SUCLG2: variants seen among roughly 807,000 people sequenced by gnomAD.
The protein encoded by SUCLG2 is succinate--CoA ligase [GDP-forming] subunit beta, mitochondrial.
Under a neutral mutation model 47.9 loss-of-function variants are expected in SUCLG2, and 42 were observed. The ratio of observed to expected loss-of-function variants is 0.88; its 90% CI spans 0.69 to 1.14. SUCLG2 has a LOEUF of 1.14. Ranked by LOEUF, SUCLG2 falls within the 50% of genes most tolerant of loss-of-function variation. The pLI, the probability that SUCLG2 is intolerant of heterozygous loss-of-function variation, is 0.00. For missense variants in SUCLG2, 571 were observed against 525.9 expected (o/e 1.09, Z -0.84); for synonymous variants, 195 against 197.3 (o/e 0.99, Z 0.10).
At chr3:67,555,274 T>C (rs915663334) in intron 2 of SUCLG2, among the ~76,000 whole-genome samples, 4 of 152,042 alleles carry the variant, frequency 2.6e-5, no homozygotes, top group Non-Finnish European at 5.9e-5. Flanking sequence ...GGTAGACAAA[T>C]AAATGGTTGC....
At chr3:67,518,149 C>A in intron 6 of SUCLG2, 98 bp downstream of exon 6, 1 of 971,306 alleles carries the variant, frequency 1.0e-6, no homozygotes, top group Non-Finnish European at 1.6e-6. Flanking sequence ...ATAAATAATC[C>A]TGTTTCCTGG....
chr3:67,379,607 A>G (rs62256366), intron 10 of SUCLG2, among the ~76,000 whole-genome samples: 13,986 of 152,268 alleles, frequency 0.092, 729 homozygotes, highest in Non-Finnish European at 0.12. Context: ...TTTTGCACCC[A>G]ACTTAGCACC....
chr3:67,374,332 G>A (rs913945019), downstream of SUCLG2, among the ~76,000 whole-genome samples: 9 of 151,696 alleles, frequency 5.9e-5, no homozygotes, highest in African/African-American at 2.2e-4. Context: ...AAAGTAAGCT[G>A]GTAAAAAAAA....
At chr3:67,413,877 A>G (rs1390980269) in intron 9 of SUCLG2, among the ~76,000 whole-genome samples, 1 of 152,122 alleles carries the variant, frequency 6.6e-6, no homozygotes, top group African/African-American at 2.4e-5. Flanking sequence ...GCAGACGCCT[A>G]CCTCATCCAT....
chr3:67,654,589 TA>T lies in SUCLG2; in HGVS notation c.-4del. On this transcript the variant is annotated 5_prime_UTR_variant, in exon 1 of 11. Coordinates refer to ENST00000307227, the MANE Select transcript of SUCLG2 (RefSeq NM_003848.4). ...TGCGCTGCTACGGGGGACGCCATCTTAAACAGGAAACTCGGCACGGGGCAGT... is the reference window on the plus strand; with the variant it reads ...TGCGCTGCTACGGGGGACGCCATCTTAACAGGAAACTCGGCACGGGGCAGT... The T allele has an allele frequency of 1.6e-6, 2 of 1,273,850 alleles. No homozygotes were observed. The highest frequency in any genetic ancestry group is 2.0e-6 in the Non-Finnish European group (2 of 1,007,758). The allele number at this position is 1,273,850 out of a possible 1,614,324, so 78.9% of individuals were successfully genotyped here.
intron 10 of SUCLG2, among the ~76,000 whole-genome samples, chr3:67,392,514 C>T (rs894041718): frequency 2.0e-5 from 3 of 152,182 alleles, no homozygotes; most frequent in Admixed American, 2.0e-4. Context: ...GGTAAATAAT[C>T]TACTATATTT....
At position 67,408,680 on chromosome 3, in the gene SUCLG2, T is replaced by C. The variant is rs58032985; in HGVS notation, c.1063-7829A>G. The C allele has an allele frequency of 6.1e-3, 6,973 of 1,148,656 alleles. 360 individuals are homozygous for C. The African/African-American group carries it at 0.1, about 17-fold the overall frequency. The allele number at this position is 1,148,656 out of a possible 1,614,324, so 71.2% of individuals were successfully genotyped here. A position where few individuals can be genotyped will look rare whatever the true frequency, so the allele number is the denominator to read the frequency against. The stretch of plus-strand genomic sequence containing the variant: ...CTTCCTAAATTCTTCACTTTACTTA[T>C]ATTCTATAATTTACTCCTTGGTAGA... On this transcript the variant is annotated intron_variant, in intron 9 of 10. Transcript: ENST00000307227.
rs573347429 is a variant in SUCLG2 at position 67,466,151 on chromosome 3, G to A, written c.1062+29647C>T. Among the ~76,000 whole-genome samples, 332 of 152,172 alleles carry A rather than the reference G, an allele frequency of 2.2e-3. 2 individuals are homozygous for A. Among genetic ancestry groups the A allele is most frequent in the African/African-American group, 7.3e-3 (305 of 41,512 alleles). On this transcript the variant is annotated intron_variant, in intron 9 of 10. Transcript: ENST00000307227. ...GTGGATCACCTGAGGTCAGGAGTTCGAGACCAGCCTGGCCAACATGGTGAA... is the reference window on the plus strand; with the variant it reads ...GTGGATCACCTGAGGTCAGGAGTTCAAGACCAGCCTGGCCAACATGGTGAA...
At chr3:67,551,297 T>G (rs1707007763) in intron 2 of SUCLG2, among the ~76,000 whole-genome samples, 1 of 152,222 alleles carries the variant, frequency 6.6e-6, no homozygotes, top group South Asian at 2.1e-4. Context: ...CTCTGGATCC[T>G]TGATAGGATT....
At chr3:67,624,874 T>C (rs550761545) in intron 1 of SUCLG2, among the ~76,000 whole-genome samples, 1 of 152,322 alleles carries the variant, frequency 6.6e-6, no homozygotes, top group South Asian at 2.1e-4. Context: ...ATGTGTGAAA[T>C]ACATACTGTC....
intron 9 of SUCLG2, among the ~76,000 whole-genome samples, chr3:67,491,838 CGT>C (rs893781519): frequency 6.6e-6 from 1 of 152,086 alleles, no homozygotes; most frequent in African/African-American, 2.4e-5. Context: ...GAAAAGTGTG[CGT>C]GTGTGTCTCA....
chr3:67,507,044 G>C (rs1467126283), intron 7 of SUCLG2, among the ~76,000 whole-genome samples: 1 of 152,052 alleles, frequency 6.6e-6, no homozygotes, highest in African/African-American at 2.4e-5. Context: ...CTATAAAATG[G>C]GGATAACAAC....
At chr3:67,370,563 C>T (rs918414531), downstream of SUCLG2, among the ~76,000 whole-genome samples, 1 of 152,130 alleles carries the variant, frequency 6.6e-6, no homozygotes, top group Non-Finnish European at 1.5e-5. Context: ...ATCCAAGACT[C>T]CCGAGTGAAT....
intron 10 of SUCLG2, among the ~76,000 whole-genome samples, chr3:67,364,721 A>G (rs770116299): frequency 1.2e-4 from 18 of 152,208 alleles, no homozygotes; most frequent in Non-Finnish European, 2.1e-4. Context: ...AACAAGATCC[A>G]AAGTCTCAGA....
chr3:67,529,482 G>A (rs1314115082), intron 2 of SUCLG2, among the ~76,000 whole-genome samples: 1 of 152,200 alleles, frequency 6.6e-6, no homozygotes, highest in Non-Finnish European at 1.5e-5. Flanking sequence ...GTCAGAAGAA[G>A]CTAAATAAAT....
At chr3:67,494,241 C>G (rs73088922) in intron 9 of SUCLG2, among the ~76,000 whole-genome samples, 5,035 of 152,272 alleles carry the variant, frequency 0.033, 112 homozygotes, top group African/African-American at 0.062. Context: ...TTTCATTTAT[C>G]ATTCTCTTAG....
chr3:67,426,753 C>T (rs1008265440), intron 9 of SUCLG2, among the ~76,000 whole-genome samples: 2 of 152,074 alleles, frequency 1.3e-5, no homozygotes, highest in East Asian at 3.9e-4. Context: ...CATGGTGAAA[C>T]CCCATCTCTA....
intron 6 of SUCLG2, among the ~76,000 whole-genome samples, chr3:67,510,254 T>C (rs1167112815): frequency 1.3e-5 from 2 of 152,248 alleles, no homozygotes; most frequent in East Asian, 3.8e-4. Context: ...CAGATTTGAC[T>C]GAAGAACTCC....
intron 9 of SUCLG2, among the ~76,000 whole-genome samples, chr3:67,459,180 G>C (rs1469583043): frequency 6.6e-6 from 1 of 152,120 alleles, no homozygotes; most frequent in South Asian, 2.1e-4. Flanking sequence ...ACAGTTTTAC[G>C]TTTTCCTCAT....
Sources: allele counts gnomAD v4.1 joint callset (sites outside exome capture counted in the v4.1 genomes callset), GRCh38; gene constraint gnomAD v4.1.1; transcripts MANE v1.5; gene names NCBI Gene and HGNC (gene_info 2026-07-23, HGNC 2026-07-21).